The following ROBO2 variants were observed in gnomAD, a reference collection of about 807,000 sequenced individuals.
The protein encoded by ROBO2 is roundabout guidance receptor 2, also known as roundabout homolog 2.
A neutral mutation model predicts 160.8 loss-of-function variants in ROBO2; 53 were observed. The ratio of observed to expected loss-of-function variants is 0.33; its 90% CI spans 0.26 to 0.41. The LOEUF (loss-of-function observed/expected upper bound fraction) is 0.41. ROBO2 is among the 10% of genes least tolerant of loss of function. The pLI is 1.00. For missense variants in ROBO2, 1,577 were observed against 1,722.4 expected, an observed-to-expected ratio of 0.92 and a Z score of 1.49; for synonymous variants, 664 against 611.7, an observed-to-expected ratio of 1.09 and a Z score of -1.26.
intron 2 of ROBO2, among the ~76,000 whole-genome samples, chr3:76,319,762 T>C (rs544289070): frequency 6.6e-6 from 1 of 152,052 alleles, no homozygotes; most frequent in East Asian, 1.9e-4. Flanking sequence ...TTTTTTTTAA[T>C]GAGAGAATGG....
chr3:77,102,311 G>A (rs780235432), intron 2 of ROBO2, among the ~76,000 whole-genome samples: 7 of 151,990 alleles, frequency 4.6e-5, no homozygotes, highest in Non-Finnish European at 1.0e-4. Context: ...TGCGTGGGTG[G>A]GTGGATTGTG....
chr3:76,891,497 A>T (rs2074341281), intron 2 of ROBO2, among the ~76,000 whole-genome samples: 1 of 152,102 alleles, frequency 6.6e-6, no homozygotes, highest in Admixed American at 6.6e-5. Context: ...TCTTGAGTTG[A>T]TGTGGACATT....
At chr3:76,447,332 C>A (rs900178964) in intron 2 of ROBO2, among the ~76,000 whole-genome samples, 3 of 151,992 alleles carry the variant, frequency 2.0e-5, no homozygotes, top group Non-Finnish European at 4.4e-5. Flanking sequence ...CAAATCAAAA[C>A]CACAATGAGA....
At chr3:77,013,730 T>G (rs2062055580) in intron 2 of ROBO2, among the ~76,000 whole-genome samples, 1 of 152,222 alleles carries the variant, frequency 6.6e-6, no homozygotes, top group Non-Finnish European at 1.5e-5. Context: ...ACTATGAGTA[T>G]GCAAAACTAT....
intron 2 of ROBO2, among the ~76,000 whole-genome samples, chr3:77,409,982 T>G (rs1325170752): frequency 6.6e-6 from 1 of 152,198 alleles, no homozygotes; most frequent in African/African-American, 2.4e-5. Flanking sequence ...AAACTACTTT[T>G]TATGTAATTA....
chr3:76,157,867 T>C (rs2072467738), intron 2 of ROBO2, among the ~76,000 whole-genome samples: 1 of 151,856 alleles, frequency 6.6e-6, no homozygotes, highest in African/African-American at 2.4e-5. Flanking sequence ...CATTTCACTG[T>C]GTACCAGAAT....
At chr3:77,511,973 C>A (rs1476166419) in intron 5 of ROBO2, among the ~76,000 whole-genome samples, 3 of 151,944 alleles carry the variant, frequency 2.0e-5, no homozygotes, top group East Asian at 1.9e-4. Flanking sequence ...TTGCTTGCAA[C>A]CTCATCCCTA....
chr3:76,365,134 A>G lies in ROBO2; in HGVS notation c.109+427532A>G, dbSNP rs373360305. The stretch of plus-strand genomic sequence containing the variant: ...ATCACAGAGTCTAAAGTGAGAAGAG[A>G]GAGAGCCTGTGGTGTGGCTTCTTGT... On this transcript the variant is annotated intron_variant, in intron 2 of 26. Coordinates refer to the ROBO2 transcript ENST00000487694. 2.6e-4 allele frequency among the ~76,000 whole-genome samples: 39 copies of G among 152,170 alleles called. 1 individual carries two copies. In the Middle Eastern group the frequency reaches 0.027, roughly 107 times the overall value.
intron 2 of ROBO2, among the ~76,000 whole-genome samples, chr3:76,685,910 C>A (rs949422752): frequency 1.4e-4 from 22 of 152,072 alleles, no homozygotes; most frequent in Admixed American, 1.1e-3. Flanking sequence ...AGTATGCATC[C>A]TTTCTATGTA....
chr3:77,435,356 A>C (rs553068000), intron 2 of ROBO2, among the ~76,000 whole-genome samples: 6 of 151,980 alleles, frequency 3.9e-5, no homozygotes, highest in African/African-American at 1.4e-4. Flanking sequence ...ATTTCATATC[A>C]TATTTTATTA....
Position 76,401,934 on chromosome 3 carries a change from A to G in ROBO2, c.109+464332A>G, listed in dbSNP as rs371059015. On this transcript the variant is annotated intron_variant, in intron 2 of 26. Coordinates refer to the ROBO2 transcript ENST00000487694. Reference sequence around the variant, plus strand: ...GAAAAATTTTTAGAAATGTTTATATAAATTCTCAGAAGGCAGTTCTATCAT... The same window carrying G: ...GAAAAATTTTTAGAAATGTTTATATGAATTCTCAGAAGGCAGTTCTATCAT... Among the ~76,000 whole-genome samples the G allele has an allele frequency of 7.3e-4, 110 of 151,674 alleles. No homozygotes were observed. The South Asian group carries it at 0.022, about 31-fold the overall frequency.
chr3:77,144,041 A>G (rs1023081331), intron 2 of ROBO2, among the ~76,000 whole-genome samples: 1 of 152,190 alleles, frequency 6.6e-6, no homozygotes, highest in African/African-American at 2.4e-5. Context: ...AGTGTCCTGC[A>G]TGATCCGATC....
chr3:76,522,097 G>A (rs1460081630), intron 2 of ROBO2, among the ~76,000 whole-genome samples: 2 of 152,118 alleles, frequency 1.3e-5, no homozygotes, highest in Non-Finnish European at 2.9e-5. Flanking sequence ...TGTAAGAATA[G>A]CATTTGCATT....
chr3:76,754,727 C>T (rs1451898237), intron 2 of ROBO2, among the ~76,000 whole-genome samples: 1 of 151,818 alleles, frequency 6.6e-6, no homozygotes. Flanking sequence ...TTGCTAATAA[C>T]ATACTTGAGA....
At chr3:77,554,962 T>G (rs2153656452) in intron 8 of ROBO2, among the ~76,000 whole-genome samples, 1 of 152,036 alleles carries the variant, frequency 6.6e-6, no homozygotes, top group South Asian at 2.1e-4. Flanking sequence ...AAATCTTTCC[T>G]GAAAGGAATA....
chr3:77,082,546 T>A (rs112461654), intron 1 of ROBO2, among the ~76,000 whole-genome samples: 2,248 of 152,216 alleles, frequency 0.015, 29 homozygotes, highest in Non-Finnish European at 0.019. Flanking sequence ...ATTTCCTGAT[T>A]GTTGATGAAC....
At chr3:77,474,598 C>G (rs2083758193) in intron 2 of ROBO2, among the ~76,000 whole-genome samples, 1 of 151,440 alleles carries the variant, frequency 6.6e-6, no homozygotes, top group Admixed American at 6.6e-5. Context: ...ACATACGTGT[C>G]AAGTCACACT....
chr3:76,000,690 C>T (rs59631408), intron 2 of ROBO2, among the ~76,000 whole-genome samples: 40,893 of 151,584 alleles, frequency 0.27, 5,810 homozygotes, highest in East Asian at 0.36. Context: ...TGGGGTTTCA[C>T]CGTGTTAGCC....
chr3:77,394,505 G>C (rs893013311), intron 2 of ROBO2, among the ~76,000 whole-genome samples: 1 of 152,232 alleles, frequency 6.6e-6, no homozygotes, highest in African/African-American at 2.4e-5. Flanking sequence ...AGCAGAGCCA[G>C]TATCACAGTT....
Sources: allele counts gnomAD v4.1 joint callset (sites outside exome capture counted in the v4.1 genomes callset), GRCh38; gene constraint gnomAD v4.1.1; transcripts MANE v1.5; gene names NCBI Gene and HGNC (gene_info 2026-07-23, HGNC 2026-07-21).